PCDHGA4: variants seen among roughly 807,000 people sequenced by gnomAD.
PCDHGA4 encodes protocadherin gamma-A4.
PCDHGA4 carries 38 observed loss-of-function variants against 54.6 expected under a neutral mutation model. The ratio of observed to expected loss-of-function variants is 0.70; its 90% confidence interval spans 0.54 to 0.91. The LOEUF (loss-of-function observed/expected upper bound fraction) is 0.91. Among genes scored for constraint, PCDHGA4 ranks in the 40% least tolerant of loss-of-function variants. PCDHGA4 has a pLI of 0.00. For missense variants in PCDHGA4, 1,298 were observed against 1,220.9 expected (o/e 1.06, Z -0.94); for synonymous variants, 511 against 512.9 (o/e 1.00, Z 0.05).
rs188373658 is a variant in PCDHGA4 at position 141,492,228 on chromosome 5, C to T, written c.2515-2579C>T. ...TGCGCGCGGGGCTCATGCGTGTCCT[C>T]CCTGCTGGCCACCCCCACGGCCCAC... On this transcript the variant is annotated intron_variant, in intron 1 of 3. Coordinates refer to ENST00000571252, the MANE Select transcript of PCDHGA4 (RefSeq NM_018917.4). Among the ~76,000 whole-genome samples the T allele has an allele frequency of 5.3e-5, 8 of 152,292 alleles. No individual in the cohort carries two copies. In the East Asian group the frequency reaches 1.2e-3, roughly 22 times the overall value.
In PCDHGA4 at chr5:141,432,021, C is replaced by G. The variant is rs746940912; in HGVS notation, c.2515-62786C>G. 1.9e-5 allele frequency: 30 copies of G among 1,614,076 alleles called. No individual in the cohort carries two copies. The highest frequency in any genetic ancestry group is 2.7e-5 in the African/African-American group (2 of 74,922). Reference sequence around the variant, plus strand: ...GAACAGGTTCCTAGCTACAACATCACAGTGACCGCCACTGACCGGGGAACC... The same window carrying G: ...GAACAGGTTCCTAGCTACAACATCAGAGTGACCGCCACTGACCGGGGAACC... On this transcript the variant is annotated intron_variant, in intron 1 of 3. Transcript: ENST00000571252. The surrounding 1 kb of genome is among the most constrained non-coding windows in gnomAD (Gnocchi z 6.0).
chr5:141,393,136 C>A (rs1188231861), intron 1 of PCDHGA4: 3 of 1,613,306 alleles, frequency 1.9e-6, no homozygotes, highest in Admixed American at 1.7e-5. Flanking sequence ...AATATTAACA[C>A]CCTGGTTGAG....
chr5:141,431,547 T>TA lies in PCDHGA4; in HGVS notation c.2515-63259dup. On this transcript the variant is annotated intron_variant, in intron 1 of 3. Transcript: ENST00000571252. The surrounding 1 kb of genome is among the most constrained non-coding windows in gnomAD (Gnocchi z 4.8). ...CTGGCCTTGGGCACGCAGCTGCTTG[T>TA]AGTCAACGCTACCGACCCTGACGAA... 6.2e-7 allele frequency: 1 copy of TA among 1,614,096 alleles called. No individual in the cohort carries two copies. The highest frequency in any genetic ancestry group is 8.5e-7 in the Non-Finnish European group (1 of 1,180,022).
intron 1 of PCDHGA4, chr5:141,479,186 T>C (rs956575218): frequency 3.3e-5 from 5 of 152,590 alleles, no homozygotes; most frequent in Admixed American, 3.3e-4. Flanking sequence ...GCTAGAAAAT[T>C]CAGAAAATAC....
intron 1 of PCDHGA4, chr5:141,385,334 C>A: frequency 6.3e-7 from 1 of 1,581,530 alleles, no homozygotes; most frequent in Non-Finnish European, 8.6e-7. Context: ...GTGAGCCCAG[C>A]CCTTCCTTTA....
intron 1 of PCDHGA4, chr5:141,361,524 G>T (rs551885796): frequency 6.2e-7 from 1 of 1,614,056 alleles, no homozygotes; most frequent in South Asian, 1.1e-5. Context: ...ACGTGGCAGA[G>T]AACAATCCTC....
intron 1 of PCDHGA4, chr5:141,388,568 AC>A: frequency 6.2e-7 from 1 of 1,613,888 alleles, no homozygotes; most frequent in East Asian, 2.2e-5. Context: ...CTGCACAGAT[AC>A]ACGTTCTAGT....
chr5:141,416,042 A>G (rs1024979061), intron 1 of PCDHGA4: 1 of 193,196 alleles, frequency 5.2e-6, no homozygotes, highest in African/African-American at 2.3e-5. Context: ...ACCTCTGGAA[A>G]CACAACCCAA....
rs192747939 is a variant in PCDHGA4 at position 141,487,483 on chromosome 5, T to C, written c.2515-7324T>C. 12 of 1,614,224 alleles carry C rather than the reference T, an allele frequency of 7.4e-6. No individual in the cohort carries two copies. In the Admixed American group the frequency reaches 1.8e-4, roughly 25 times the overall value. On this transcript the variant is annotated intron_variant, in intron 1 of 3. Coordinates refer to ENST00000571252, the MANE Select transcript of PCDHGA4 (RefSeq NM_018917.4). This position sits in a 1 kb window ranked among gnomAD's most constrained non-coding sequence, Gnocchi z 5.0. ...TTGTTGATGTGGGAGGCCACTCTCA[T>C]GGCTGTACACCCTTGGCTTCTGCAC... is the stretch of plus-strand genomic sequence containing the variant.
At chr5:141,414,102 A>G in intron 1 of PCDHGA4, 1 of 1,593,854 alleles carries the variant, frequency 6.3e-7, no homozygotes, top group Non-Finnish European at 8.5e-7. Context: ...AAATATCAGA[A>G]AATCTAGATT....
At chr5:141,403,390 G>A in intron 1 of PCDHGA4, 1 of 1,614,038 alleles carries the variant, frequency 6.2e-7, no homozygotes, top group Non-Finnish European at 8.5e-7. Context: ...ACGAAATCGC[G>A]GTTCCTGGAG....
intron 1 of PCDHGA4, chr5:141,390,193 A>G (rs1189352664): frequency 6.2e-7 from 1 of 1,614,060 alleles, no homozygotes; most frequent in African/African-American, 1.3e-5. Context: ...TGTAGTGAGC[A>G]GTTGAGTTCA....
chr5:141,507,846 T>G (rs892503210), intron 3 of PCDHGA4, among the ~76,000 whole-genome samples: 1 of 152,134 alleles, frequency 6.6e-6, no homozygotes, highest in African/African-American at 2.4e-5. Context: ...CAGGCCCTGC[T>G]CTCACTTTCA....
intron 1 of PCDHGA4, 137 bp from the exon 2 acceptor site, chr5:141,494,670 C>T: frequency 6.5e-7 from 1 of 1,529,402 alleles, no homozygotes; most frequent in Non-Finnish European, 8.8e-7. Flanking sequence ...GGAGATGAGT[C>T]CACCCCTGCC....
At chr5:141,420,369 T>C in intron 1 of PCDHGA4, 2 of 1,349,364 alleles carry the variant, frequency 1.5e-6, no homozygotes, top group Non-Finnish European at 2.0e-6. Flanking sequence ...AGATAACTTC[T>C]TCATAGAGTT....
Position 141,491,009 on chromosome 5 carries a change from C to A in PCDHGA4, c.2515-3798C>A. On this transcript the variant is annotated intron_variant, in intron 1 of 3. Transcript: ENST00000571252. This position sits in a 1 kb window ranked among gnomAD's most constrained non-coding sequence, Gnocchi z 6.9. ...TCTGCTCCTCCTGGCTCCTTGGTCA[C>A]CAAGGTGACAGCCGTGGATGCTGAT... 4 of 1,614,140 alleles carry A rather than the reference C, an allele frequency of 2.5e-6. No homozygotes were observed. Among genetic ancestry groups the A allele is most frequent in the Non-Finnish European group, 3.4e-6 (4 of 1,180,038 alleles).
Position 141,490,693 on chromosome 5 carries a change from G to C in PCDHGA4, c.2515-4114G>C. 2 of 1,614,170 alleles carry C rather than the reference G, an allele frequency of 1.2e-6. No homozygotes were observed. Among genetic ancestry groups the C allele is most frequent in the Non-Finnish European group, 1.7e-6 (2 of 1,180,018 alleles). ...GGCTGCCTCAGATCCAGACACTGGG[G>C]ATAATGCCCGCCTCACCTACTCCAT... is the stretch of plus-strand genomic sequence containing the variant. On this transcript the variant is annotated intron_variant, in intron 1 of 3. Coordinates refer to ENST00000571252, the MANE Select transcript of PCDHGA4 (RefSeq NM_018917.4). This position sits in a 1 kb window ranked among gnomAD's most constrained non-coding sequence, Gnocchi z 5.4.
At chr5:141,436,588 G>A (rs1182294845) in intron 1 of PCDHGA4, among the ~76,000 whole-genome samples, 3 of 152,138 alleles carry the variant, frequency 2.0e-5, no homozygotes, top group Non-Finnish European at 2.9e-5. Context: ...AATTTGAAAG[G>A]TCGTGGTGAT....
intron 1 of PCDHGA4, chr5:141,375,706 T>C: frequency 6.2e-7 from 1 of 1,614,232 alleles, no homozygotes; most frequent in Non-Finnish European, 8.5e-7. Flanking sequence ...GGGACCCGCC[T>C]CTTAGCAGCA....
Sources: gnomAD v4.1 joint callset for allele counts (sites outside exome capture counted in the v4.1 genomes callset) on GRCh38, gnomAD v4.1.1 for gene constraint, Gnocchi (gnomAD v3.1) non-coding constraint, MANE v1.5 for transcripts, NCBI Gene and HGNC (gene_info 2026-07-23, HGNC 2026-07-21) for gene names.